Variants in RAI1 observed in about 807,000 individuals in gnomAD.
RAI1 encodes retinoic acid-induced protein 1.
A neutral mutation model predicts 123.8 loss-of-function variants in RAI1; 9 were observed. The ratio of observed to expected loss-of-function variants is 0.07; its 90% CI spans 0.04 to 0.13. RAI1 has a LOEUF of 0.13. Among genes scored for constraint, RAI1 ranks in the 10% least tolerant of loss-of-function variants. The pLI is 1.00. For synonymous variants in RAI1, 1,231 were observed against 1,127.3 expected (o/e 1.09, Z -1.84); for missense variants, 2,256 against 2,545.8 (o/e 0.89, Z 2.45).
chr17:17,695,857 C>T (rs1371483986), intron 1 of RAI1, among the ~76,000 whole-genome samples: 1 of 152,184 alleles, frequency 6.6e-6, no homozygotes, highest in Non-Finnish European at 1.5e-5. Flanking sequence ...ATTCAGCTAC[C>T]CTTTGTCACC....
In RAI1 at chr17:17,801,190, C is replaced by T. The variant is rs1489040792; in HGVS notation, c.5566-2566C>T. Among the ~76,000 whole-genome samples, 1 of 152,170 alleles carries T rather than the reference C, an allele frequency of 6.6e-6. No individual in the cohort carries two copies. Among genetic ancestry groups the T allele is most frequent in the Admixed American group, 6.5e-5 (1 of 15,284 alleles). On this transcript the variant is annotated intron_variant, in intron 3 of 5. Transcript: ENST00000353383. The surrounding 1 kb of genome is among the most constrained non-coding windows in gnomAD (Gnocchi z 4.1). ...AGCCCTGCCTGCCCTTCCCCCAAAG[C>T]CATCATAGACCCCTACCTCCTATCC...
At chr17:17,802,636 C>T (rs976437297) in intron 3 of RAI1, among the ~76,000 whole-genome samples, 13 of 152,106 alleles carry the variant, frequency 8.5e-5, no homozygotes, top group South Asian at 4.2e-4. Context: ...ATTAGCCTGG[C>T]GTGGTGGCGG....
intron 2 of RAI1, among the ~76,000 whole-genome samples, chr17:17,754,138 G>A (rs1457244918): frequency 6.6e-6 from 1 of 151,706 alleles, no homozygotes; most frequent in Non-Finnish European, 1.5e-5. Context: ...CTGGCACCTG[G>A]GGTGTCTTCC....
intron 2 of RAI1, among the ~76,000 whole-genome samples, chr17:17,736,472 T>C (rs1916439118): frequency 6.6e-6 from 1 of 152,214 alleles, no homozygotes; most frequent in Non-Finnish European, 1.5e-5. Flanking sequence ...GGAGGCCCAG[T>C]CACTGCTTAG....
intron 3 of RAI1, 114 bp from the exon 4 acceptor site, chr17:17,803,642 T>C: frequency 1.0e-6 from 1 of 991,876 alleles, no homozygotes. Flanking sequence ...CACCTTGGCC[T>C]CCCAGAGTGC....
intron 2 of RAI1, among the ~76,000 whole-genome samples, chr17:17,754,911 T>C (rs1026381489): frequency 6.6e-6 from 1 of 152,196 alleles, no homozygotes; most frequent in Non-Finnish European, 1.5e-5. Flanking sequence ...TCAGGAAAAC[T>C]GAGGCTCTGA....
chr17:17,730,385 A>G (rs1229714552), intron 2 of RAI1, among the ~76,000 whole-genome samples: 4 of 152,246 alleles, frequency 2.6e-5, no homozygotes, highest in Non-Finnish European at 5.9e-5. Context: ...AGGGCCGGGC[A>G]GGCAGTGCTG....
chr17:17,712,446 G>A (rs1915593793), intron 1 of RAI1, among the ~76,000 whole-genome samples: 1 of 152,220 alleles, frequency 6.6e-6, no homozygotes, highest in Non-Finnish European at 1.5e-5. Flanking sequence ...GGGAGTGGGT[G>A]GGGAAGTGGG....
chr17:17,761,926 G>A (rs1598060696), intron 2 of RAI1, among the ~76,000 whole-genome samples: 1 of 152,266 alleles, frequency 6.6e-6, no homozygotes, highest in Non-Finnish European at 1.5e-5. Context: ...AGCAGGGAGG[G>A]AGGCATGGGA....
rs1184461556 is a variant in RAI1 at position 17,707,624 on chromosome 17, ACTCTGTC to A, written c.-148-16403_-148-16397del. On this transcript the variant is annotated intron_variant, in intron 1 of 5. Coordinates refer to ENST00000353383, the MANE Select transcript of RAI1 (RefSeq NM_030665.4). ...GTTTGTTTATTTGAGACAGGGTCTC[ACTCTGTC>A]ACCCAGGTTGGAGTGCAGTGGCATG... Among the ~76,000 whole-genome samples the A allele has an allele frequency of 1.8e-3, 275 of 152,110 alleles. 2 individuals carry two copies. The highest frequency in any genetic ancestry group is 6.4e-3 in the African/African-American group (265 of 41,486).
chr17:17,794,907 G>C lies in RAI1; in HGVS notation c.1959G>C (p.Val653=). Residue 653 remains valine (V), a synonymous_variant, in exon 3 of 6, where the codon GTG becomes GTC. Transcript: ENST00000353383. ...ACCACAGCGCCTGCCTGGACTCTGT[G>C]GCCAAGAGTGCGTGGCCCCGGCCTG... ...LENHSACLDS[V]AKSAWPRPGE... is the part of the protein sequence containing the mutation. 6.2e-7 allele frequency: 1 copy of C among 1,613,576 alleles called. No individual in the cohort carries two copies. The highest frequency in any genetic ancestry group is 8.5e-7 in the Non-Finnish European group (1 of 1,180,026).
chr17:17,802,579 A>G (rs1269815526), intron 3 of RAI1, among the ~76,000 whole-genome samples: 1 of 151,838 alleles, frequency 6.6e-6, no homozygotes, highest in Non-Finnish European at 1.5e-5. Flanking sequence ...GATCGAGACC[A>G]TCCTGGCTAA....
intron 4 of RAI1, among the ~76,000 whole-genome samples, chr17:17,804,840 TTTTATTTATTTATTTA>T (rs575206893): frequency 1.4e-4 from 21 of 149,360 alleles, no homozygotes; most frequent in African/African-American, 1.0e-4. Context: ...GTGTTTTTAT[TTTTATTTATTTATTTA>T]TTTATTTATT....
At chr17:17,760,910 A>T (rs563167617) in intron 2 of RAI1, among the ~76,000 whole-genome samples, 20 of 152,290 alleles carry the variant, frequency 1.3e-4, no homozygotes, top group Admixed American at 4.6e-4. Context: ...CCTATAGGTG[A>T]TGGGCGTAGA....
At chr17:17,807,014 C>T (rs2032606920) in intron 4 of RAI1, among the ~76,000 whole-genome samples, 1 of 151,628 alleles carries the variant, frequency 6.6e-6, no homozygotes, top group African/African-American at 2.4e-5. Flanking sequence ...GGCTCAGGAT[C>T]GAGTCTCGCC....
intron 2 of RAI1, among the ~76,000 whole-genome samples, chr17:17,752,772 C>T (rs112949645): frequency 1.3e-5 from 2 of 152,312 alleles, no homozygotes; most frequent in South Asian, 2.1e-4. Flanking sequence ...TCCTTCTTTC[C>T]GGCCGATTCC....
intron 1 of RAI1, among the ~76,000 whole-genome samples, chr17:17,717,197 A>C (rs893034861): frequency 1.3e-5 from 2 of 152,108 alleles, no homozygotes; most frequent in African/African-American, 4.8e-5. Context: ...TATGGCACAG[A>C]AGACAGGTTA....
intron 4 of RAI1, among the ~76,000 whole-genome samples, chr17:17,806,620 T>A (rs2032598945): frequency 6.6e-6 from 1 of 152,182 alleles, no homozygotes; most frequent in East Asian, 1.9e-4. Context: ...AGGGCGTGAG[T>A]TGGCTGCAGG....
intron 1 of RAI1, among the ~76,000 whole-genome samples, chr17:17,701,105 A>C (rs989151677): frequency 6.6e-6 from 1 of 152,026 alleles, no homozygotes; most frequent in African/African-American, 2.4e-5. Flanking sequence ...CAACAAGATG[A>C]GCCCCTGTCC....
Sources: gnomAD v4.1 joint callset for allele counts (sites outside exome capture counted in the v4.1 genomes callset) on GRCh38, gnomAD v4.1.1 for gene constraint, Gnocchi (gnomAD v3.1) non-coding constraint, MANE v1.5 for transcripts, NCBI Gene and HGNC (gene_info 2026-07-23, HGNC 2026-07-21) for gene names.